Variants in SYNRG observed in about 807,000 individuals in gnomAD.
The protein encoded by SYNRG is synergin gamma.
Under a neutral mutation model 130.9 loss-of-function variants are expected in SYNRG, and 37 were observed. That is an observed-to-expected ratio of 0.28 (90% confidence interval 0.22 to 0.37). The LOEUF is 0.37. SYNRG is among the 10% of genes least tolerant of loss of function. SYNRG has a pLI of 1.00. For missense variants in SYNRG, 1,338 were observed against 1,588.9 expected (o/e 0.84, Z 2.68); for synonymous variants, 539 against 568.1 (o/e 0.95, Z 0.73).
At position 37,556,155 on chromosome 17, in the gene SYNRG, T is replaced by C. The variant is rs376845218; in HGVS notation, c.1664-2096A>G. ...CATATAAAATAATGCAGGCTTAAAA[T>C]ATACTGTGCTTGGGCCAGGCACGGT... On this transcript the variant is annotated intron_variant, in intron 13 of 21. Transcript: ENST00000612223. Among the ~76,000 whole-genome samples, 19 of 152,208 alleles carry C rather than the reference T, an allele frequency of 1.2e-4. No homozygotes were observed. In the East Asian group the frequency reaches 1.9e-3, roughly 15 times the overall value.
intron 10 of SYNRG, 150 bp downstream of exon 10, chr17:37,570,487 T>C (rs1343977530): frequency 9.6e-6 from 10 of 1,039,794 alleles, no homozygotes; most frequent in Non-Finnish European, 1.3e-5. Flanking sequence ...TATTTTAATT[T>C]CAGGTTTAGC....
At chr17:37,606,475 T>C (rs1042061074) in intron 1 of SYNRG, among the ~76,000 whole-genome samples, 1 of 152,224 alleles carries the variant, frequency 6.6e-6, no homozygotes, top group Non-Finnish European at 1.5e-5. Context: ...CGTGACCTCT[T>C]TGTTCCACTT....
At position 37,515,533 on chromosome 17, in the gene SYNRG, AC is replaced by A. The variant is rs2054360909; in HGVS notation, c.*3406del. 1 of 152,324 alleles carries A rather than the reference AC, an allele frequency of 6.6e-6. No individual in the cohort carries two copies. The highest frequency in any genetic ancestry group is 1.5e-5 in the Non-Finnish European group (1 of 68,122). The allele number at this position is 152,324 out of a possible 1,614,324, so 9.4% of individuals were successfully genotyped here. On this transcript the variant is annotated 3_prime_UTR_variant, in exon 22 of 22. Coordinates refer to ENST00000612223, the MANE Select transcript of SYNRG (RefSeq NM_007247.6). ...GAGTGCAGTGGCGCGATCTCGGCTC[AC>A]TGCAACCTCCGCCTCTCTGGTTCAA... is the stretch of plus-strand genomic sequence containing the variant.
At chr17:37,579,745 C>A (rs545474387) in intron 6 of SYNRG, among the ~76,000 whole-genome samples, 1 of 152,286 alleles carries the variant, frequency 6.6e-6, no homozygotes, top group Non-Finnish European at 1.5e-5. Context: ...TGCTCTGTCA[C>A]CTAGGCTACA....
intron 3 of SYNRG, among the ~76,000 whole-genome samples, chr17:37,595,558 G>T (rs983549340): frequency 3.9e-5 from 6 of 152,104 alleles, no homozygotes; most frequent in African/African-American, 1.4e-4. Flanking sequence ...CTACCTGGGT[G>T]ATGGGTTCCA....
In SYNRG at chr17:37,539,213, T is replaced by C. The variant is rs1248724210; in HGVS notation, c.3399A>G (p.Arg1133=). The C allele has an allele frequency of 1.2e-6, 2 of 1,614,208 alleles. No homozygotes were observed. Among genetic ancestry groups the C allele is most frequent in the Non-Finnish European group, 1.7e-6 (2 of 1,180,024 alleles). Residue 1133 remains arginine, a synonymous_variant, in exon 17 of 22, where the codon AGA becomes AGG. Coordinates refer to ENST00000612223, the MANE Select transcript of SYNRG (RefSeq NM_007247.6). ...TCACATTCAGGGCACTCCCCAGGCA[T>C]CTCTGCCATTCATATGCATATCTCT... The part of the protein sequence containing the change: ...ENERYAYEWQ[R]CLGSALNVIK...
rs555543145 is a variant in SYNRG at position 37,586,168 on chromosome 17, A to C, written c.371+251T>G. Among the ~76,000 whole-genome samples the C allele has an allele frequency of 6.8e-4, 103 of 152,088 alleles. No homozygotes were observed. The East Asian group carries it at 0.014, about 21-fold the overall frequency. ...CCACCAAGCCTGGCTAATATTTTGT[A>C]TTTTTTGTAGAGACAGGGTTTTACC... On this transcript the variant is annotated intron_variant, in intron 4 of 21. Coordinates refer to ENST00000612223, the MANE Select transcript of SYNRG (RefSeq NM_007247.6).
At chr17:37,523,528 C>CT (rs1306087485) in intron 19 of SYNRG, among the ~76,000 whole-genome samples, 5 of 152,170 alleles carry the variant, frequency 3.3e-5, no homozygotes, top group Non-Finnish European at 5.9e-5. Context: ...TTTAACAATC[C>CT]ACTCTTGCAA....
intron 6 of SYNRG, among the ~76,000 whole-genome samples, chr17:37,582,316 TA>T (rs1478515181): frequency 6.6e-6 from 1 of 152,096 alleles, no homozygotes; most frequent in Admixed American, 6.6e-5. Flanking sequence ...CAAGTTTGTT[TA>T]AAAAAGAAAA....
chr17:37,561,154 A>G (rs1300840385), intron 13 of SYNRG, 41 bp downstream of exon 13: 2 of 1,552,322 alleles, frequency 1.3e-6, no homozygotes, highest in African/African-American at 2.7e-5. Flanking sequence ...TTTTTATTAA[A>G]AATGGAAATA....
Position 37,596,654 on chromosome 17 carries a change from T to C in SYNRG, c.119-310A>G, listed in dbSNP as rs144709619. 1.6e-4 allele frequency among the ~76,000 whole-genome samples: 25 copies of C among 152,384 alleles called. No homozygotes were observed. In the East Asian group the frequency reaches 3.7e-3, roughly 22 times the overall value. On this transcript the variant is annotated intron_variant, in intron 2 of 21. Coordinates refer to ENST00000612223, the MANE Select transcript of SYNRG (RefSeq NM_007247.6). ...CTTCAAGATGGCCTCCAATGACCTC[T>C]GTCTCCTGGTATTCATACCCGTGTG...
At position 37,515,316 on chromosome 17, in the gene SYNRG, G is replaced by A. The variant is rs1026359427; in HGVS notation, c.*3624C>T. 3 of 152,084 alleles carry A rather than the reference G, an allele frequency of 2.0e-5. No homozygotes were observed. The highest frequency in any genetic ancestry group is 7.2e-5 in the African/African-American group (3 of 41,408). 9.4% of individuals were successfully genotyped at this position (152,084 alleles called of 1,614,324 possible). ...TAACTTAAACATAAAAAACATAGTC[G>A]ACACACATCTTGCCCTGCATTCTGA... On this transcript the variant is annotated 3_prime_UTR_variant, in exon 22 of 22. Coordinates refer to ENST00000612223, the MANE Select transcript of SYNRG (RefSeq NM_007247.6).
intron 6 of SYNRG, among the ~76,000 whole-genome samples, chr17:37,579,958 G>C (rs2061161935): frequency 6.6e-6 from 1 of 151,686 alleles, no homozygotes; most frequent in Admixed American, 6.6e-5. Context: ...GGCCTTGACT[G>C]TCTTTCTTTT....
chr17:37,583,694 G>GT (rs2061495033), intron 6 of SYNRG, among the ~76,000 whole-genome samples: 1 of 152,062 alleles, frequency 6.6e-6, no homozygotes, highest in South Asian at 2.1e-4. Context: ...CGTTGAATTT[G>GT]TTTTTTGTTG....
At chr17:37,596,903 C>T (rs1236581945) in intron 2 of SYNRG, among the ~76,000 whole-genome samples, 3 of 152,106 alleles carry the variant, frequency 2.0e-5, no homozygotes, top group Non-Finnish European at 4.4e-5. Flanking sequence ...CCTGCCACCA[C>T]GCCCAGCTAA....
intron 6 of SYNRG, among the ~76,000 whole-genome samples, chr17:37,580,622 C>A (rs2061254257): frequency 6.6e-6 from 1 of 152,090 alleles, no homozygotes; most frequent in African/African-American, 2.4e-5. Flanking sequence ...GCAACCTCCA[C>A]CTCCTGGGTT....
rs138114276 is a variant in SYNRG, at chr17:37,526,602, G to A, written c.3667-5954C>T. Among the ~76,000 whole-genome samples the A allele has an allele frequency of 4.6e-4, 70 of 152,294 alleles. 1 individual carries two copies. Among genetic ancestry groups the A allele is most frequent in the African/African-American group, 1.6e-3 (66 of 41,568 alleles). ...GAGAAGGACTGCATTCCTTCTAGGA[G>A]TTCTAGGGGAAAATCTGTTTCCTTG... On this transcript the variant is annotated intron_variant, in intron 19 of 21. Transcript: ENST00000612223.
At chr17:37,520,711 C>T in intron 19 of SYNRG, 63 bp from the exon 20 acceptor site, 1 of 1,354,008 alleles carries the variant, frequency 7.4e-7, no homozygotes, top group Non-Finnish European at 1.1e-6. Context: ...TCACTTCACT[C>T]CCTCATCACT....
intron 9 of SYNRG, among the ~76,000 whole-genome samples, 169 bp from the exon 10 acceptor site, chr17:37,571,054 TAATACTTAAGA>T (rs1021731047): frequency 6.6e-6 from 1 of 152,230 alleles, no homozygotes; most frequent in Admixed American, 6.5e-5. Flanking sequence ...AATGCAAACC[TAATACTTAAGA>T]AAGAAATGGC....
Sources: allele counts gnomAD v4.1 joint callset (sites outside exome capture counted in the v4.1 genomes callset), GRCh38; gene constraint gnomAD v4.1.1; transcripts MANE v1.5; gene names NCBI Gene and HGNC (gene_info 2026-07-23, HGNC 2026-07-21).